Variants in EYS observed in about 807,000 individuals in gnomAD.
The protein encoded by EYS is protein eyes shut homolog.
A neutral mutation model predicts 282.1 loss-of-function variants in EYS; 250 were observed. The ratio of observed to expected loss-of-function variants is 0.89; its 90% confidence interval spans 0.80 to 0.98. The LOEUF is 0.98. Among genes scored for constraint, EYS ranks in the 50% least tolerant of loss-of-function variants. The pLI, the probability that EYS is intolerant of heterozygous loss-of-function variation, is 0.00. For missense variants in EYS, 4,016 were observed against 3,709.0 expected, an observed-to-expected ratio of 1.08 and a Z score of -2.15; for synonymous variants, 1,355 against 1,282.9, an observed-to-expected ratio of 1.06 and a Z score of -1.20.
intron 1 of EYS, among the ~76,000 whole-genome samples, chr6:65,640,661 G>C (rs1245515781): frequency 6.6e-6 from 1 of 151,948 alleles, no homozygotes; most frequent in East Asian, 1.9e-4. Flanking sequence ...TCATTTTACT[G>C]TTTTCTGACT....
chr6:64,400,903 G>A (rs1374128883), intron 28 of EYS, among the ~76,000 whole-genome samples: 1 of 151,968 alleles, frequency 6.6e-6, no homozygotes, highest in African/African-American at 2.4e-5. Flanking sequence ...TGACATAACG[G>A]TAATCACTAA....
At chr6:65,217,625 G>T (rs974014853) in intron 12 of EYS, among the ~76,000 whole-genome samples, 2 of 151,950 alleles carry the variant, frequency 1.3e-5, no homozygotes, top group Non-Finnish European at 2.9e-5. Flanking sequence ...GGAAGTAATA[G>T]TTCTGTTGAC....
At chr6:64,183,194 T>C (rs1764838036) in intron 31 of EYS, among the ~76,000 whole-genome samples, 1 of 152,128 alleles carries the variant, frequency 6.6e-6, no homozygotes, top group Non-Finnish European at 1.5e-5. Context: ...TCCACTATGA[T>C]TGTAAGTTTC....
At chr6:64,851,896 T>G (rs910599462) in intron 19 of EYS, among the ~76,000 whole-genome samples, 1 of 151,982 alleles carries the variant, frequency 6.6e-6, no homozygotes, top group Non-Finnish European at 1.5e-5. Context: ...CATGACATAA[T>G]GGTGATCTGT....
chr6:65,440,784 T>C (rs1768284251), intron 5 of EYS, among the ~76,000 whole-genome samples: 2 of 149,810 alleles, frequency 1.3e-5, no homozygotes, highest in Admixed American at 6.7e-5. Flanking sequence ...TAATGTCTGC[T>C]TCACCAGGAA....
chr6:64,371,710 A>AT (rs1225844500), intron 29 of EYS, among the ~76,000 whole-genome samples: 2 of 152,016 alleles, frequency 1.3e-5, no homozygotes, highest in Non-Finnish European at 2.9e-5. Context: ...TTGGGTACAT[A>AT]TTTTTTTAGG....
At chr6:65,310,650 TAC>T (rs1418089682) in intron 11 of EYS, among the ~76,000 whole-genome samples, 1 of 152,218 alleles carries the variant, frequency 6.6e-6, no homozygotes, top group East Asian at 1.9e-4. Flanking sequence ...CTCATTCTGC[TAC>T]AGTCATCTAG....
chr6:65,454,280 A>C (rs1450926480), intron 5 of EYS, among the ~76,000 whole-genome samples: 1 of 151,750 alleles, frequency 6.6e-6, no homozygotes, highest in African/African-American at 2.4e-5. Context: ...AATGTTGGAT[A>C]TATTTTATAT....
At chr6:65,366,438 A>G (rs1204925907) in intron 8 of EYS, among the ~76,000 whole-genome samples, 2 of 151,810 alleles carry the variant, frequency 1.3e-5, no homozygotes, top group South Asian at 2.1e-4. Flanking sequence ...ATGGATCTAA[A>G]AGCTAAGACT....
intron 31 of EYS, among the ~76,000 whole-genome samples, chr6:64,179,355 A>T (rs927207155): frequency 1.3e-5 from 2 of 152,098 alleles, no homozygotes; most frequent in Non-Finnish European, 2.9e-5. Context: ...TTAAGTTTTT[A>T]AAAAAGACCT....
chr6:65,683,208 C>T (rs1488356741), intron 1 of EYS, among the ~76,000 whole-genome samples: 1 of 151,972 alleles, frequency 6.6e-6, no homozygotes, highest in African/African-American at 2.4e-5. Context: ...AAATATTTTA[C>T]AGCAGTATTA....
At chr6:64,495,911 A>G (rs955063501) in intron 26 of EYS, among the ~76,000 whole-genome samples, 2 of 151,820 alleles carry the variant, frequency 1.3e-5, no homozygotes, top group African/African-American at 2.4e-5. Context: ...TTTCTCTTCA[A>G]TCATTGTTTT....
At chr6:65,695,212 T>A (rs1482934628) in intron 1 of EYS, among the ~76,000 whole-genome samples, 1 of 152,040 alleles carries the variant, frequency 6.6e-6, no homozygotes, top group Non-Finnish European at 1.5e-5. Flanking sequence ...GAGTTATGTG[T>A]GGAATATTTT....
chr6:63,739,007 A>G (rs1237561700), intron 41 of EYS, among the ~76,000 whole-genome samples: 2 of 152,162 alleles, frequency 1.3e-5, no homozygotes, highest in Non-Finnish European at 2.9e-5. Context: ...AAATAAATGT[A>G]TGGAAGATCT....
chr6:64,857,159 A>C (rs183274738), intron 19 of EYS, among the ~76,000 whole-genome samples: 2 of 152,254 alleles, frequency 1.3e-5, no homozygotes, highest in Non-Finnish European at 2.9e-5. Context: ...ATACCATAAT[A>C]AAGTATAGTA....
At chr6:64,513,389 A>T (rs1188452690) in intron 26 of EYS, among the ~76,000 whole-genome samples, 1 of 151,956 alleles carries the variant, frequency 6.6e-6, no homozygotes, top group Admixed American at 6.6e-5. Context: ...CTGACATTCT[A>T]TGAAAAAATA....
At chr6:64,522,666 A>T (rs1374265369) in intron 26 of EYS, among the ~76,000 whole-genome samples, 2 of 151,768 alleles carry the variant, frequency 1.3e-5, no homozygotes, top group Admixed American at 6.6e-5. Flanking sequence ...AATAGCTCTC[A>T]TCTACATTAT....
chr6:64,304,065 A>G (rs1447918909), intron 30 of EYS, among the ~76,000 whole-genome samples: 1 of 152,098 alleles, frequency 6.6e-6, no homozygotes, highest in Non-Finnish European at 1.5e-5. Flanking sequence ...ATTACCCTCT[A>G]GTGGTGTTTA....
chr6:64,367,953 T>C (rs1772234258), intron 29 of EYS, among the ~76,000 whole-genome samples: 1 of 152,126 alleles, frequency 6.6e-6, no homozygotes, highest in Non-Finnish European at 1.5e-5. Context: ...TGTTTAACTT[T>C]TATTTTAGGT....
Sources: allele counts gnomAD v4.1 joint callset (sites outside exome capture counted in the v4.1 genomes callset), GRCh38; gene constraint gnomAD v4.1.1; transcripts MANE v1.5; gene names NCBI Gene and HGNC (gene_info 2026-07-23, HGNC 2026-07-21).